RABGAP1L: variants seen among roughly 807,000 people sequenced by gnomAD.
The protein encoded by RABGAP1L is rab GTPase-activating protein 1-like.
Under a neutral mutation model 137.7 loss-of-function variants are expected in RABGAP1L, and 63 were observed. The observed-to-expected ratio is 0.46, with a 90% CI of 0.37 to 0.56. RABGAP1L has a LOEUF of 0.56. RABGAP1L is among the 20% of genes least tolerant of loss of function. The pLI is 0.00. For synonymous variants in RABGAP1L, 431 were observed against 433.7 expected (o/e 0.99, Z 0.08); for missense variants, 1,095 against 1,244.0 (o/e 0.88, Z 1.80).
intron 19 of RABGAP1L, among the ~76,000 whole-genome samples, chr1:174,823,449 T>C (rs1035687456): frequency 2.6e-5 from 4 of 152,196 alleles, no homozygotes; most frequent in African/African-American, 9.7e-5. Context: ...CATATTAACA[T>C]TATGTTTAAA....
chr1:174,454,539 A>G (rs1655811636), intron 13 of RABGAP1L, among the ~76,000 whole-genome samples: 1 of 148,556 alleles, frequency 6.7e-6, no homozygotes, highest in South Asian at 2.1e-4. Flanking sequence ...AATGGATCTC[A>G]ATCACTGTAG....
At chr1:174,196,084 C>T (rs1014979462) in intron 1 of RABGAP1L, among the ~76,000 whole-genome samples, 1 of 151,874 alleles carries the variant, frequency 6.6e-6, no homozygotes. Context: ...ATCCGCCCAC[C>T]TTGGCCTCCC....
intron 19 of RABGAP1L, among the ~76,000 whole-genome samples, chr1:174,933,927 T>C (rs948136256): frequency 2.0e-5 from 3 of 152,174 alleles, no homozygotes; most frequent in African/African-American, 7.2e-5. Flanking sequence ...CCCAATCCTC[T>C]AGGGAAAATC....
In RABGAP1L at chr1:174,978,808, T is replaced by C; in HGVS notation, c.2651T>C (p.Leu884Pro). Residue 884 changes from leucine (L) to proline (P), a missense_variant and splice_region_variant, in exon 23 of 26, where the codon CTA becomes CCA. Physicochemically the swap from Leu to Pro is moderately conservative, Grantham distance 98. Coordinates refer to ENST00000681986, the MANE Select transcript of RABGAP1L (RefSeq NM_001366446.1). The stretch of plus-strand genomic sequence containing the variant: ...TATTTCTCATTCTATTCTTTCTAGC[T>C]AAAAGAAGTCTTCAGGAAACAGCTA... ...KRKQEEETAQ[L>P]KEVFRKQLEK... 1 of 1,529,216 alleles carries C rather than the reference T, an allele frequency of 6.5e-7. No homozygotes were observed. Among genetic ancestry groups the C allele is most frequent in the Non-Finnish European group, 8.8e-7 (1 of 1,141,214 alleles). The allele number at this position is 1,529,216 out of a possible 1,614,324, so 94.7% of individuals were successfully genotyped here.
chr1:174,938,487 A>C (rs560131652), intron 19 of RABGAP1L: 2 of 152,322 alleles, frequency 1.3e-5, no homozygotes, highest in South Asian at 4.1e-4. Context: ...TGATGAGGGT[A>C]CTTTTGATTT....
At chr1:174,815,468 G>A (rs1367158660) in intron 19 of RABGAP1L, among the ~76,000 whole-genome samples, 1 of 152,190 alleles carries the variant, frequency 6.6e-6, no homozygotes, top group Non-Finnish European at 1.5e-5. Context: ...TATTTTCAAA[G>A]TTGGTGTTGT....
intron 20 of RABGAP1L, chr1:174,964,882 C>A: frequency 6.9e-7 from 1 of 1,455,834 alleles, no homozygotes; most frequent in South Asian, 1.3e-5. Flanking sequence ...ATTGCCATTT[C>A]ATAAATATTT....
chr1:174,294,527 G>C (rs1676928084), intron 10 of RABGAP1L, among the ~76,000 whole-genome samples: 1 of 152,180 alleles, frequency 6.6e-6, no homozygotes, highest in African/African-American at 2.4e-5. Flanking sequence ...GGAATTTAGA[G>C]ACTATCCTCA....
intron 17 of RABGAP1L, among the ~76,000 whole-genome samples, chr1:174,718,035 G>A (rs1327773983): frequency 6.6e-6 from 1 of 152,160 alleles, no homozygotes; most frequent in Admixed American, 6.5e-5. Flanking sequence ...TAACACCTGA[G>A]TCTTCTTAGC....
At chr1:174,300,637 G>T (rs532272222) in intron 10 of RABGAP1L, among the ~76,000 whole-genome samples, 1 of 152,092 alleles carries the variant, frequency 6.6e-6, no homozygotes, top group South Asian at 2.1e-4. Context: ...TTGAAGCCAG[G>T]CCTGGTGGCT....
At chr1:174,965,112 G>A in intron 20 of RABGAP1L, 1 of 641,660 alleles carries the variant, frequency 1.6e-6, no homozygotes, top group East Asian at 2.8e-5. Context: ...TCCATAAGGG[G>A]TGAAACTATG....
At chr1:174,977,791 A>G (rs772892568) in intron 22 of RABGAP1L, among the ~76,000 whole-genome samples, 5 of 152,228 alleles carry the variant, frequency 3.3e-5, no homozygotes, top group Non-Finnish European at 5.9e-5. Flanking sequence ...TCCTTAAATT[A>G]TGTCAGATAG....
intron 10 of RABGAP1L, among the ~76,000 whole-genome samples, chr1:174,288,964 C>T (rs551833106): frequency 4.6e-5 from 7 of 152,012 alleles, no homozygotes; most frequent in South Asian, 4.2e-4. Flanking sequence ...ATTTTTTATT[C>T]TTCTGCTTGG....
rs1001994908 is a variant in RABGAP1L at position 174,794,322 on chromosome 1, T to C, written c.2212-17510T>C. On this transcript the variant is annotated intron_variant, in intron 18 of 25. Transcript: ENST00000681986. ...ACTAACTCTCTTTCTATTGTGAATA[T>C]ATCCAAAGTTCTTTTTGTCTTTCTA... is the stretch of plus-strand genomic sequence containing the variant. Among the ~76,000 whole-genome samples the C allele has an allele frequency of 8.5e-5, 13 of 152,212 alleles. No individual in the cohort carries two copies. In the East Asian group the frequency reaches 2.5e-3, roughly 29 times the overall value.
chr1:174,629,582 G>A (rs966502884), intron 13 of RABGAP1L, among the ~76,000 whole-genome samples: 1 of 152,072 alleles, frequency 6.6e-6, no homozygotes, highest in Non-Finnish European at 1.5e-5. Flanking sequence ...TCGCCCAGTG[G>A]CACGATCTCG....
At chr1:174,490,032 G>T (rs1660068488) in intron 13 of RABGAP1L, among the ~76,000 whole-genome samples, 1 of 151,982 alleles carries the variant, frequency 6.6e-6, no homozygotes, top group African/African-American at 2.4e-5. Flanking sequence ...CAGGTATTTT[G>T]AATTCTCTGT....
intron 13 of RABGAP1L, among the ~76,000 whole-genome samples, chr1:174,491,138 G>T (rs1660186490): frequency 6.6e-6 from 1 of 151,878 alleles, no homozygotes; most frequent in East Asian, 1.9e-4. Flanking sequence ...TCGAGTAGAT[G>T]GAGTCTGTCA....
intron 1 of RABGAP1L, among the ~76,000 whole-genome samples, chr1:174,189,934 A>G (rs1276909141): frequency 6.6e-6 from 1 of 152,184 alleles, no homozygotes; most frequent in Non-Finnish European, 1.5e-5. Context: ...GACCTGAGCT[A>G]GCATATTCAG....
intron 14 of RABGAP1L, among the ~76,000 whole-genome samples, chr1:174,656,413 A>G (rs1675976438): frequency 6.6e-6 from 1 of 152,198 alleles, no homozygotes; most frequent in Non-Finnish European, 1.5e-5. Context: ...AGCCGAGATC[A>G]TGCCACTGCC....
Sources: gnomAD v4.1 joint callset for allele counts (sites outside exome capture counted in the v4.1 genomes callset) on GRCh38, gnomAD v4.1.1 for gene constraint, MANE v1.5 for transcripts, NCBI Gene and HGNC (gene_info 2026-07-23, HGNC 2026-07-21) for gene names.